BLTP1: variants seen among roughly 807,000 people sequenced by gnomAD.
BLTP1 encodes the protein bridge-like lipid transfer protein family member 1.
At chr4:122,174,672 G>C in the BLTP1 span, 1 of 1,495,656 alleles carries the variant, frequency 6.7e-7, no homozygotes, top group South Asian at 1.2e-5. Flanking sequence ...TTAAAAAATT[G>C]AAAAGGACCC....
At chr4:122,192,296 A>G in the BLTP1 span, 6 of 1,613,688 alleles carry the variant, frequency 3.7e-6, no homozygotes, top group Non-Finnish European at 4.2e-6. Context: ...GCAAATTACA[A>G]GACTTGCCTC....
chr4:122,269,483 C>T, the BLTP1 span: 7 of 985,062 alleles, frequency 7.1e-6, no homozygotes, highest in Admixed American at 6.2e-5. Flanking sequence ...GCGCCAGCTC[C>T]GATGCTCCAC....
chr4:122,347,501 G>GT, the BLTP1 span: 2 of 1,591,108 alleles, frequency 1.3e-6, no homozygotes, highest in South Asian at 2.3e-5. Context: ...TTTTTTGTTT[G>GT]TTTTGTTTGT....
chr4:122,305,185 A>G, the BLTP1 span: 1 of 983,224 alleles, frequency 1.0e-6, no homozygotes, highest in Non-Finnish European at 1.2e-6. Flanking sequence ...AGTTTAGTGC[A>G]GATGCACTCA....
the BLTP1 span, chr4:122,307,800 T>G: frequency 6.9e-7 from 1 of 1,458,248 alleles, no homozygotes; most frequent in African/African-American, 1.4e-5. Context: ...CTATATGTCC[T>G]CTTAGATCTT....
the BLTP1 span, chr4:122,301,375 A>G: frequency 3.8e-6 from 6 of 1,598,250 alleles, no homozygotes; most frequent in Admixed American, 1.7e-5. Context: ...ATTCTCCTCT[A>G]TTCCCTAAAC....
the BLTP1 span, chr4:122,273,272 G>A: frequency 4.8e-5 from 47 of 978,006 alleles, no homozygotes; most frequent in East Asian, 4.2e-3. Context: ...TACCTGTTTT[G>A]TACCCTAAAC....
chr4:122,197,192 G>T, the BLTP1 span: 1 of 1,131,514 alleles, frequency 8.8e-7, no homozygotes, highest in Non-Finnish European at 1.2e-6. Context: ...TTTTCTTTTG[G>T]TAGGAAACAA....
chr4:122,212,075 A>G, the BLTP1 span: 6 of 984,518 alleles, frequency 6.1e-6, no homozygotes, highest in Non-Finnish European at 7.2e-6. Flanking sequence ...AATTCTGGAG[A>G]GAGGGACTAG....
At chr4:122,169,456 G>A in the BLTP1 span, 213 of 180,330 alleles carry the variant, frequency 1.2e-3, 2 homozygotes, top group Middle Eastern at 0.023. Flanking sequence ...TAACTGTGTA[G>A]GTCTCTTTGT....
chr4:122,182,578 G>T, the BLTP1 span: 1 of 878,464 alleles, frequency 1.1e-6, no homozygotes. Flanking sequence ...TCATCATCAT[G>T]CATGCTCCTT....
At chr4:122,175,772 G>A in the BLTP1 span, 2 of 942,860 alleles carry the variant, frequency 2.1e-6, no homozygotes, top group African/African-American at 1.7e-5. Context: ...TTATCAATTG[G>A]CTTCCTTTTG....
chr4:122,359,528 T>A, the BLTP1 span: 19 of 1,599,236 alleles, frequency 1.2e-5, no homozygotes, highest in Non-Finnish European at 1.6e-5. Flanking sequence ...AACATAAATG[T>A]ATCATACTAA....
the BLTP1 span, chr4:122,318,036 C>A: frequency 8.6e-7 from 1 of 1,163,454 alleles, no homozygotes; most frequent in Non-Finnish European, 1.2e-6. Context: ...TTTGGCTTGT[C>A]TGTATATAAT....
chr4:122,286,934 T>G, the BLTP1 span: 2 of 663,280 alleles, frequency 3.0e-6, no homozygotes, highest in Non-Finnish European at 5.0e-6. Context: ...ATCAAGTGTG[T>G]GTGTGTGGGT....
At chr4:122,325,470 G>A in the BLTP1 span, 1 of 1,364,182 alleles carries the variant, frequency 7.3e-7, no homozygotes, top group East Asian at 2.8e-5. Flanking sequence ...TTACCAAGTA[G>A]TGGGCACTGC....
At chr4:122,207,514 C>CTTTTTTTTTTTTTTTTTTTTTTTTT in the BLTP1 span, 4 of 1,286,850 alleles carry the variant, frequency 3.1e-6, no homozygotes, top group African/African-American at 1.7e-5. Flanking sequence ...ACTTTTTCTT[C>CTTTTTTTTTTTTTTTTTTTTTTTTT]TTTTTTTTTT....
the BLTP1 span, chr4:122,276,177 T>C: frequency 1.6e-6 from 1 of 617,054 alleles, no homozygotes; most frequent in Non-Finnish European, 2.3e-6. Flanking sequence ...AGCTTACTGG[T>C]AATCAAGGAA....
chr4:122,347,473 T>C, the BLTP1 span: 40 of 1,572,694 alleles, frequency 2.5e-5, no homozygotes, highest in Non-Finnish European at 4.3e-6. Flanking sequence ...CATAGGGATT[T>C]TACCCTGTTA....
Sources: gnomAD v4.1 joint callset for allele counts on GRCh38, gnomAD v4.1.1 for gene constraint, MANE v1.5 for transcripts, NCBI Gene and HGNC (gene_info 2026-07-23, HGNC 2026-07-21) for gene names.